Variants in AFF3 observed in about 807,000 individuals in gnomAD.
The protein encoded by AFF3 is ALF transcription elongation factor 3, also known as AF4/FMR2 family member 3.
AFF3 carries 32 observed loss-of-function variants against 129.7 expected under a neutral mutation model. That is an observed-to-expected ratio of 0.25 (90% confidence interval 0.19 to 0.33). The LOEUF is 0.33. Among genes scored for constraint, AFF3 ranks in the 10% least tolerant of loss-of-function variants. The probability of loss-of-function intolerance (pLI) is 1.00; values close to 1 mark genes in which losing one functional copy is unlikely to be tolerated. For missense variants in AFF3, 1,373 were observed against 1,592.0 expected (o/e 0.86, Z 2.34); for synonymous variants, 644 against 635.4 (o/e 1.01, Z -0.20).
chr2:99,667,198 A>G (rs1202147108), intron 12 of AFF3, among the ~76,000 whole-genome samples: 3 of 152,210 alleles, frequency 2.0e-5, no homozygotes, highest in Non-Finnish European at 2.9e-5. Flanking sequence ...TTCTCTGACC[A>G]TAAAGGAACC....
chr2:99,736,518 T>C (rs1680271054), intron 10 of AFF3, among the ~76,000 whole-genome samples: 1 of 152,184 alleles, frequency 6.6e-6, no homozygotes, highest in African/African-American at 2.4e-5. Flanking sequence ...TCATTGTAAA[T>C]AGCACAGAGC....
At chr2:99,631,625 T>C (rs1041110508) in intron 13 of AFF3, among the ~76,000 whole-genome samples, 5 of 152,236 alleles carry the variant, frequency 3.3e-5, no homozygotes, top group Admixed American at 6.5e-5. Context: ...GTGACCATCT[T>C]CTATCATTTA....
At chr2:99,807,139 A>G (rs1686415693) in intron 8 of AFF3, among the ~76,000 whole-genome samples, 1 of 152,140 alleles carries the variant, frequency 6.6e-6, no homozygotes, top group Admixed American at 6.5e-5. Context: ...TGCTGTTCCC[A>G]TGTTCATGAA....
chr2:99,694,190 G>A (rs769491743), intron 11 of AFF3, among the ~76,000 whole-genome samples: 4 of 151,536 alleles, frequency 2.6e-5, no homozygotes, highest in Admixed American at 6.6e-5. Context: ...GAGCCACCGC[G>A]TCTGGCCTCA....
intron 4 of AFF3, among the ~76,000 whole-genome samples, chr2:100,014,134 C>T (rs1349679280): frequency 6.6e-6 from 1 of 151,418 alleles, no homozygotes; most frequent in Non-Finnish European, 1.5e-5. Flanking sequence ...TTGGAGCACT[C>T]GCTCCAAGCA....
intron 16 of AFF3, among the ~76,000 whole-genome samples, chr2:99,585,101 A>AGATGCT (rs1385743272): frequency 2.6e-5 from 4 of 152,238 alleles, no homozygotes; most frequent in Admixed American, 6.5e-5. Context: ...GTGATGGCTA[A>AGATGCT]GATGCTGATG....
intron 12 of AFF3, among the ~76,000 whole-genome samples, chr2:99,665,101 T>A (rs565001185): frequency 6.6e-6 from 1 of 152,136 alleles, no homozygotes; most frequent in East Asian, 1.9e-4. Context: ...GGGCCACAAA[T>A]GAGCTCAGTG....
chr2:99,955,819 AG>A (rs1164438851), intron 7 of AFF3, among the ~76,000 whole-genome samples: 1 of 152,220 alleles, frequency 6.6e-6, no homozygotes, highest in Admixed American at 6.5e-5. Flanking sequence ...TGTCTTTAAA[AG>A]GGTACAAAAA....
intron 4 of AFF3, among the ~76,000 whole-genome samples, chr2:100,082,668 T>C (rs1450444294): frequency 2.0e-5 from 3 of 152,148 alleles, no homozygotes; most frequent in Non-Finnish European, 2.9e-5. Flanking sequence ...ACTACAGCTA[T>C]AAAAGGGATA....
chr2:100,007,526 G>A, intron 5 of AFF3, 66 bp from the exon 6 acceptor site: 3 of 1,438,550 alleles, frequency 2.1e-6, no homozygotes, highest in Non-Finnish European at 2.8e-6. Flanking sequence ...ATAATCAACA[G>A]GTGCCCTTAT....
chr2:99,810,573 C>G (rs894422104), intron 8 of AFF3, among the ~76,000 whole-genome samples: 4 of 152,226 alleles, frequency 2.6e-5, no homozygotes, highest in African/African-American at 9.6e-5. Context: ...ACACATTAGT[C>G]TTGGCTTTAG....
chr2:99,704,742 A>G (rs1677193287), intron 11 of AFF3, among the ~76,000 whole-genome samples: 1 of 152,216 alleles, frequency 6.6e-6, no homozygotes, highest in Non-Finnish European at 1.5e-5. Flanking sequence ...GTAATACTCT[A>G]TTGGCACAGG....
At chr2:100,024,231 CAAAAAA>C (rs56368025) in intron 4 of AFF3, among the ~76,000 whole-genome samples, 1 of 56,044 alleles carries the variant, frequency 1.8e-5, no homozygotes, top group Non-Finnish European at 3.2e-5. Flanking sequence ...GACTCCGTCT[CAAAAAA>C]AAAAAAAAAA....
chr2:99,939,420 C>T (rs756106544), intron 7 of AFF3, among the ~76,000 whole-genome samples: 3 of 152,200 alleles, frequency 2.0e-5, no homozygotes, highest in Non-Finnish European at 4.4e-5. Context: ...ATCACATAAA[C>T]ATAACTAAGT....
chr2:99,648,844 G>A (rs966098665), intron 13 of AFF3, among the ~76,000 whole-genome samples: 9 of 149,270 alleles, frequency 6.0e-5, no homozygotes, highest in African/African-American at 1.7e-4. Flanking sequence ...GACACACAGG[G>A]ATTTCATCTT....
chr2:99,688,427 T>C (rs917151377), intron 11 of AFF3, among the ~76,000 whole-genome samples: 1 of 152,218 alleles, frequency 6.6e-6, no homozygotes, highest in Admixed American at 6.5e-5. Context: ...AAAAGCAGTA[T>C]ACTTTCCAAA....
intron 24 of AFF3, among the ~76,000 whole-genome samples, chr2:99,552,587 G>A (rs1438625149): frequency 6.6e-6 from 1 of 152,152 alleles, no homozygotes; most frequent in Non-Finnish European, 1.5e-5. Flanking sequence ...GTAAGCATCT[G>A]GGAGAAGTGT....
intron 7 of AFF3, among the ~76,000 whole-genome samples, chr2:99,858,038 A>G (rs545971655): frequency 8.5e-5 from 13 of 152,196 alleles, no homozygotes; most frequent in African/African-American, 3.1e-4. Flanking sequence ...TGGACTGGAC[A>G]TGACAGCAGC....
chr2:99,597,835 C>T (rs758602949), intron 14 of AFF3, among the ~76,000 whole-genome samples: 18 of 152,232 alleles, frequency 1.2e-4, no homozygotes, highest in Non-Finnish European at 2.4e-4. Flanking sequence ...ATATTTTCAG[C>T]CATGACTCTC....
Sources: allele counts gnomAD v4.1 joint callset (sites outside exome capture counted in the v4.1 genomes callset), GRCh38; gene constraint gnomAD v4.1.1; transcripts MANE v1.5; gene names NCBI Gene and HGNC (gene_info 2026-07-23, HGNC 2026-07-21).